The following GNAO1 variants were observed in gnomAD, a reference collection of about 807,000 sequenced individuals.
GNAO1 encodes G protein subunit alpha o1, also known as guanine nucleotide-binding protein G(o) subunit alpha.
For synonymous variants in GNAO1, 164 were observed against 180.7 expected (o/e 0.91, Z 0.74); for missense variants, 166 against 478.7 (o/e 0.35, Z 6.10).
chr16:56,243,927 C>T (rs2036718186), intron 2 of GNAO1, among the ~76,000 whole-genome samples: 2 of 152,176 alleles, frequency 1.3e-5, no homozygotes, highest in South Asian at 2.1e-4. Context: ...CAAATGTCAC[C>T]ATTTTGCAGC....
intron 2 of GNAO1, among the ~76,000 whole-genome samples, chr16:56,202,327 G>A (rs1490245525): frequency 1.3e-5 from 2 of 152,156 alleles, no homozygotes; most frequent in Non-Finnish European, 2.9e-5. Context: ...AAATTGCAGT[G>A]GAGTTAAGAA....
chr16:56,335,139 A>AAGG (rs1248956162), intron 5 of GNAO1, among the ~76,000 whole-genome samples: 1 of 152,120 alleles, frequency 6.6e-6, no homozygotes, highest in Non-Finnish European at 1.5e-5. Context: ...GGTGACTTCC[A>AAGG]AGGAGGAGGA....
intron 2 of GNAO1, among the ~76,000 whole-genome samples, chr16:56,231,317 C>T (rs1271754624): frequency 6.6e-6 from 1 of 152,206 alleles, no homozygotes; most frequent in Admixed American, 6.5e-5. Context: ...GGTCTCTGCC[C>T]ATATGTCACC....
rs566287505 is a variant in GNAO1 at position 56,354,081 on chromosome 16, G to A, written c.878-785G>A. 2.0e-5 allele frequency among the ~76,000 whole-genome samples: 3 copies of A among 152,366 alleles called. No homozygotes were observed. In the East Asian group the frequency reaches 5.8e-4, roughly 29 times the overall value. On this transcript the variant is annotated intron_variant, in intron 7 of 8. Transcript: ENST00000262493. This position sits in a 1 kb window ranked among gnomAD's most constrained non-coding sequence, Gnocchi z 4.3. ...TGGCCTCTTCTTAAAGGAAACCAAT[G>A]AGGAAGGAGTGCAGGTCCCTCTGAG...
intron 4 of GNAO1, among the ~76,000 whole-genome samples, chr16:56,330,326 C>T (rs2037676486): frequency 6.6e-6 from 1 of 152,164 alleles, no homozygotes; most frequent in South Asian, 2.1e-4. Flanking sequence ...CCTGTCCCTG[C>T]CCTGGAGTCC....
At chr16:56,306,372 C>T (rs1247808089) in intron 3 of GNAO1, among the ~76,000 whole-genome samples, 3 of 152,170 alleles carry the variant, frequency 2.0e-5, no homozygotes, top group Non-Finnish European at 2.9e-5. Flanking sequence ...CTGGCCAGGG[C>T]GCAGGAGAGC....
rs2037967104 is a variant in GNAO1 at position 56,356,296 on chromosome 16, G to A, written c.*222G>A. The A allele has an allele frequency of 6.6e-6, 1 of 152,634 alleles. No homozygotes were observed. The highest frequency in any genetic ancestry group is 2.4e-5 in the African/African-American group (1 of 41,450). 9.5% of individuals were successfully genotyped at this position (152,634 alleles called of 1,614,324 possible). On this transcript the variant is annotated 3_prime_UTR_variant, in exon 9 of 9. Coordinates refer to ENST00000262493, the MANE Select transcript of GNAO1 (RefSeq NM_020988.3). ...AGTCTTCACATTTAGAATTTGAAAG[G>A]AAAAACAGAACATTTCTCATGTGCT...
At chr16:56,209,645 A>G (rs1458461175) in intron 2 of GNAO1, among the ~76,000 whole-genome samples, 10 of 152,236 alleles carry the variant, frequency 6.6e-5, no homozygotes, top group African/African-American at 2.2e-4. Context: ...CTTTTAAGAA[A>G]TATTTATAAT....
chr16:56,207,841 A>C (rs2143321128), intron 2 of GNAO1, among the ~76,000 whole-genome samples: 1 of 152,308 alleles, frequency 6.6e-6, no homozygotes, highest in East Asian at 1.9e-4. Flanking sequence ...TATACATGCA[A>C]AATGTACATT....
intron 6 of GNAO1, chr16:56,347,799 C>A: frequency 1.0e-6 from 1 of 971,906 alleles, no homozygotes; most frequent in Non-Finnish European, 1.2e-6. Context: ...CTCCCCTCCC[C>A]TCCACACCTG....
At position 56,305,188 on chromosome 16, in the gene GNAO1, C is replaced by T. The variant is rs1445021374; in HGVS notation, c.304-23443C>T. Among the ~76,000 whole-genome samples, 7 of 152,270 alleles carry T rather than the reference C, an allele frequency of 4.6e-5. No homozygotes were observed. The South Asian group carries it at 1.0e-3, about 23-fold the overall frequency. On this transcript the variant is annotated intron_variant, in intron 3 of 8. Coordinates refer to ENST00000262493, the MANE Select transcript of GNAO1 (RefSeq NM_020988.3). The stretch of plus-strand genomic sequence containing the variant: ...AGATGGTACCTAGTGCCCATCTCAA[C>T]GTATAGCCTGGAGTCCATTTATTCC...
intron 6 of GNAO1, chr16:56,346,205 A>T: frequency 2.0e-6 from 2 of 985,372 alleles, no homozygotes; most frequent in Non-Finnish European, 1.2e-6. Context: ...CCTGTGCATG[A>T]CACCTGTCAT....
chr16:56,192,922 A>G (rs2036193485), intron 2 of GNAO1: 1 of 314,540 alleles, frequency 3.2e-6, no homozygotes, highest in Non-Finnish European at 5.9e-6. Context: ...TATGATCATT[A>G]CTCTTGCTTG....
At chr16:56,341,100 A>C (rs2037798494) in intron 6 of GNAO1, 23 of 827,576 alleles carry the variant, frequency 2.8e-5, no homozygotes. Context: ...CAGAGAATCC[A>C]CACAAACGGT....
At chr16:56,224,777 G>A (rs1241568643) in intron 2 of GNAO1, among the ~76,000 whole-genome samples, 1 of 152,238 alleles carries the variant, frequency 6.6e-6, no homozygotes, top group Non-Finnish European at 1.5e-5. Context: ...CAGGACTTGG[G>A]TTTTAGTCTG....
intron 2 of GNAO1, among the ~76,000 whole-genome samples, chr16:56,224,855 C>T (rs150634059): frequency 9.8e-5 from 15 of 152,314 alleles, no homozygotes; most frequent in African/African-American, 3.6e-4. Flanking sequence ...TCATCTGTAG[C>T]CCATCTGGAC....
At chr16:56,205,574 A>G (rs911590151) in intron 2 of GNAO1, among the ~76,000 whole-genome samples, 1 of 152,170 alleles carries the variant, frequency 6.6e-6, no homozygotes, top group Admixed American at 6.5e-5. Flanking sequence ...CCCATGTGCT[A>G]TGGAAGGCCT....
chr16:56,328,356 C>A (rs2037656152), intron 3 of GNAO1, among the ~76,000 whole-genome samples: 1 of 152,160 alleles, frequency 6.6e-6, no homozygotes. Context: ...GCCCACTCTC[C>A]CTTCCTGCCC....
intron 2 of GNAO1, among the ~76,000 whole-genome samples, chr16:56,206,276 C>T (rs559202383): frequency 2.0e-5 from 3 of 149,400 alleles, no homozygotes; most frequent in Non-Finnish European, 3.0e-5. Context: ...GCCGAGATCA[C>T]GCCATTGCAC....
Sources: gnomAD v4.1 joint callset for allele counts (sites outside exome capture counted in the v4.1 genomes callset) on GRCh38, gnomAD v4.1.1 for gene constraint, Gnocchi (gnomAD v3.1) non-coding constraint, MANE v1.5 for transcripts, NCBI Gene and HGNC (gene_info 2026-07-23, HGNC 2026-07-21) for gene names.